Variants in PRDM16 observed in about 807,000 individuals in gnomAD.
The protein encoded by PRDM16 is histone-lysine N-methyltransferase PRDM16.
A neutral mutation model predicts 110.6 loss-of-function variants in PRDM16; 23 were observed. The observed-to-expected ratio is 0.21, with a 90% CI of 0.15 to 0.29. The LOEUF (loss-of-function observed/expected upper bound fraction) is 0.29. PRDM16 is among the 10% of genes least tolerant of loss of function. PRDM16 has a pLI of 1.00. For missense variants in PRDM16, 1,615 were observed against 1,794.3 expected (o/e 0.90, Z 1.81); for synonymous variants, 799 against 781.8 (o/e 1.02, Z -0.37).
intron 3 of PRDM16, among the ~76,000 whole-genome samples, chr1:3,312,042 C>T (rs1641473946): frequency 6.6e-6 from 1 of 152,230 alleles, no homozygotes; most frequent in Non-Finnish European, 1.5e-5. Flanking sequence ...AGGAGTGCGG[C>T]TCATGGGCAG....
intron 3 of PRDM16, among the ~76,000 whole-genome samples, chr1:3,324,149 G>A (rs1641831492): frequency 6.6e-6 from 1 of 151,856 alleles, no homozygotes; most frequent in Non-Finnish European, 1.5e-5. Context: ...GGGAGCATGG[G>A]GCCTCCAGGG....
chr1:3,295,798 G>A (rs375534905), intron 3 of PRDM16, among the ~76,000 whole-genome samples: 33 of 152,278 alleles, frequency 2.2e-4, no homozygotes, highest in African/African-American at 7.5e-4. Flanking sequence ...CGTGCAGCCT[G>A]AGGGGAGAGT....
Position 3,411,557 on chromosome 1 carries a change from G to A in PRDM16, c.1360G>A (p.Gly454Ser), listed in dbSNP as rs1487965698. Residue 454 changes from glycine to serine, a missense_variant, in exon 9 of 17, where the codon GGC (glycine) becomes AGC (serine). This residue lies in a region of PRDM16 where 772 missense variants were observed against 748.3 expected (regional missense o/e 1.03). Transcript: ENST00000270722. ...CGAGGGCAAGAACCATTACACGCCG[G>A]GCGGCATCTTTGCCCCGGGCCTGCC... ...FCEGKNHYTP[G>S]GIFAPGLPLT... 5 of 1,614,070 alleles carry A rather than the reference G, an allele frequency of 3.1e-6. No individual in the cohort carries two copies. In the East Asian group the frequency reaches 8.9e-5, roughly 29 times the overall value.
In PRDM16 at chr1:3,166,055, G is replaced by A. The variant is rs145009916; in HGVS notation, c.38-20070G>A. On this transcript the variant is annotated intron_variant, in intron 1 of 16. Transcript: ENST00000270722. ...GGGCATGTCGGGGGCCTGGGATGGC[G>A]GGCGAGCCCCTCCTAGCCCCTGGTC... Among the ~76,000 whole-genome samples the A allele has an allele frequency of 4.7e-3, 722 of 152,356 alleles. 8 individuals are homozygous for A. Among genetic ancestry groups the A allele is most frequent in the East Asian group, 0.016 (83 of 5,176 alleles).
intron 2 of PRDM16, among the ~76,000 whole-genome samples, chr1:3,191,613 A>C (rs1638310511): frequency 6.6e-6 from 1 of 152,248 alleles, no homozygotes; most frequent in Non-Finnish European, 1.5e-5. Flanking sequence ...CCAAGGAAGT[A>C]AAACCTCTTC....
chr1:3,111,633 C>T (rs1642797049), intron 1 of PRDM16, among the ~76,000 whole-genome samples: 1 of 152,038 alleles, frequency 6.6e-6, no homozygotes, highest in Admixed American at 6.5e-5. Context: ...AAAGGAGGCG[C>T]AGGTCAGGGG....
At chr1:3,319,932 CTCA>C (rs1463215912) in intron 3 of PRDM16, among the ~76,000 whole-genome samples, 2 of 152,224 alleles carry the variant, frequency 1.3e-5, no homozygotes, top group African/African-American at 4.8e-5. Context: ...GCCTCTGGGG[CTCA>C]CAGCTGTGTC....
chr1:3,285,757 G>T (rs936835761), intron 3 of PRDM16, among the ~76,000 whole-genome samples: 1 of 152,136 alleles, frequency 6.6e-6, no homozygotes, highest in African/African-American at 2.4e-5. Context: ...CCCAGGCCAT[G>T]GCAGAGGAAA....
intron 8 of PRDM16, among the ~76,000 whole-genome samples, chr1:3,410,214 C>G (rs903456932): frequency 1.3e-5 from 2 of 151,948 alleles, no homozygotes; most frequent in African/African-American, 2.4e-5. Context: ...CTTAGAAAAA[C>G]AAGAGGCAAA....
intron 4 of PRDM16, among the ~76,000 whole-genome samples, chr1:3,389,578 C>A (rs538336215): frequency 2.6e-5 from 4 of 152,340 alleles, no homozygotes; most frequent in Non-Finnish European, 5.9e-5. Flanking sequence ...GAGCCAGAGG[C>A]CACATTGGGC....
At chr1:3,239,924 G>C (rs1639621745) in intron 2 of PRDM16, among the ~76,000 whole-genome samples, 1 of 151,828 alleles carries the variant, frequency 6.6e-6, no homozygotes, top group East Asian at 1.9e-4. Flanking sequence ...CTCTAGCCTG[G>C]AGGCTGGGGG....
intron 3 of PRDM16, among the ~76,000 whole-genome samples, chr1:3,289,731 C>A (rs2100353980): frequency 6.6e-6 from 1 of 152,322 alleles, no homozygotes; most frequent in Admixed American, 6.5e-5. Context: ...ACGGATGTGT[C>A]CATGGAACAT....
At chr1:3,385,407 A>G in intron 4 of PRDM16, 121 bp downstream of exon 4, 2 of 1,107,258 alleles carry the variant, frequency 1.8e-6, no homozygotes, top group Non-Finnish European at 2.7e-6. Flanking sequence ...ACATCTGCCA[A>G]GCCCTGGCCT....
chr1:3,106,062 G>C (rs1642644587), intron 1 of PRDM16, among the ~76,000 whole-genome samples: 1 of 152,212 alleles, frequency 6.6e-6, no homozygotes, highest in Non-Finnish European at 1.5e-5. Flanking sequence ...GGCTGAGAAG[G>C]GGGCAGGCTG....
intron 12 of PRDM16, among the ~76,000 whole-genome samples, chr1:3,423,493 C>G (rs1638500043): frequency 6.6e-6 from 1 of 152,184 alleles, no homozygotes; most frequent in African/African-American, 2.4e-5. Flanking sequence ...CAGCACCGTG[C>G]CGAGAAGGCC....
At chr1:3,117,102 C>T (rs1158196945) in intron 1 of PRDM16, among the ~76,000 whole-genome samples, 2 of 152,234 alleles carry the variant, frequency 1.3e-5, no homozygotes, top group Admixed American at 6.5e-5. Flanking sequence ...GGGCTGCTTC[C>T]TCGGTGGGAG....
intron 3 of PRDM16, among the ~76,000 whole-genome samples, chr1:3,248,640 G>A (rs901498544): frequency 5.3e-5 from 8 of 152,202 alleles, no homozygotes; most frequent in Non-Finnish European, 8.8e-5. Context: ...AAGAGGGGCC[G>A]GTGATGGGTC....
At chr1:3,295,968 C>T (rs931378296) in intron 3 of PRDM16, among the ~76,000 whole-genome samples, 5 of 152,034 alleles carry the variant, frequency 3.3e-5, no homozygotes, top group Non-Finnish European at 7.4e-5. Flanking sequence ...AGAGCTTGTG[C>T]AGTGGAATGT....
chr1:3,167,460 C>T (rs932057805), intron 1 of PRDM16, among the ~76,000 whole-genome samples: 2 of 152,036 alleles, frequency 1.3e-5, no homozygotes, highest in South Asian at 2.1e-4. Flanking sequence ...GTCACATTCG[C>T]GCTCATGTGC....
Sources: allele counts gnomAD v4.1 joint callset (sites outside exome capture counted in the v4.1 genomes callset), GRCh38; gene constraint gnomAD v4.1.1; regional missense constraint gnomAD v4.1.1; transcripts MANE v1.5; gene names NCBI Gene and HGNC (gene_info 2026-07-23, HGNC 2026-07-21).